The following SLC25A15 variants were observed in gnomAD, a reference collection of about 807,000 sequenced individuals.
The protein encoded by SLC25A15 is solute carrier family 25 member 15, also known as mitochondrial ornithine transporter 1.
SLC25A15 carries 24 observed loss-of-function variants against 32.3 expected under a neutral mutation model. The observed-to-expected ratio is 0.74, with a 90% CI of 0.54 to 1.04. The LOEUF is 1.04. SLC25A15 is among the 50% of genes least tolerant of loss of function. SLC25A15 has a pLI of 0.00. For synonymous variants in SLC25A15, 132 were observed against 142.1 expected (o/e 0.93, Z 0.51); for missense variants, 317 against 374.5 (o/e 0.85, Z 1.27).
intron 1 of SLC25A15, among the ~76,000 whole-genome samples, chr13:40,790,050 C>T (rs994922206): frequency 6.6e-6 from 1 of 152,162 alleles, no homozygotes; most frequent in Non-Finnish European, 1.5e-5. Context: ...AGTTGGAAGT[C>T]GTCTCCCTGA....
In SLC25A15 at chr13:40,807,217, A is replaced by C. The variant is rs1215818689; in HGVS notation, c.453-77A>C. The stretch of plus-strand genomic sequence containing the variant: ...TTACTAGTGCTTGATCAGATCTGTT[A>C]ATTGGTTGCAAATGCCCTTGTCTTT... On this transcript the variant is annotated intron_variant, in intron 4 of 6. Coordinates refer to ENST00000338625, the MANE Select transcript of SLC25A15 (RefSeq NM_014252.4). 3 of 1,320,620 alleles carry C rather than the reference A, an allele frequency of 2.3e-6. No individual in the cohort carries two copies. In the East Asian group the frequency reaches 6.9e-5, roughly 30 times the overall value. The allele number at this position is 1,320,620 out of a possible 1,614,324, so 81.8% of individuals were successfully genotyped here.
At chr13:40,802,821 C>A (rs1313309090) in intron 3 of SLC25A15, among the ~76,000 whole-genome samples, 1 of 152,122 alleles carries the variant, frequency 6.6e-6, no homozygotes, top group Admixed American at 6.5e-5. Flanking sequence ...ATCTGCCCAC[C>A]TCGGCCTCCC....
intron 3 of SLC25A15, among the ~76,000 whole-genome samples, chr13:40,801,493 G>T (rs1881889775): frequency 6.6e-6 from 1 of 152,130 alleles, no homozygotes; most frequent in Admixed American, 6.5e-5. Flanking sequence ...TGCCGATGTT[G>T]ACCTGCTCAA....
intron 2 of SLC25A15, chr13:40,798,711 G>A (rs1403545979): frequency 1.0e-6 from 1 of 961,048 alleles, no homozygotes; most frequent in Non-Finnish European, 1.2e-6. Context: ...GAGGAGCTGA[G>A]GCTCAGAAGT....
chr13:40,791,336 T>TA (rs1881492136), intron 1 of SLC25A15, among the ~76,000 whole-genome samples: 4 of 146,762 alleles, frequency 2.7e-5, no homozygotes, highest in Non-Finnish European at 4.5e-5. Flanking sequence ...TTTATTTATT[T>TA]TATTTTTTAT....
At position 40,799,221 on chromosome 13, in the gene SLC25A15, A is replaced by T; in HGVS notation, c.220A>T (p.Asn74Tyr). The T allele has an allele frequency of 6.2e-7, 1 of 1,614,218 alleles. No individual in the cohort carries two copies. The highest frequency in any genetic ancestry group is 8.5e-7 in the Non-Finnish European group (1 of 1,180,040). The change falls in exon 3 of 7, where the codon AAC becomes TAC. Residue 74 changes from asparagine to tyrosine, a missense_variant. Coordinates refer to ENST00000338625, the MANE Select transcript of SLC25A15 (RefSeq NM_014252.4). ...GGGTACCAGTCCAGCACTAATCGCC[A>T]ACATCGCTGAGAACTCAGTCCTCTT... ...YKGTSPALIA[N>Y]IAENSVLFMC...
chr13:40,806,668 T>C (rs1319751673), intron 4 of SLC25A15, among the ~76,000 whole-genome samples: 2 of 152,226 alleles, frequency 1.3e-5, no homozygotes, highest in Non-Finnish European at 2.9e-5. Flanking sequence ...CCAAGTCTCC[T>C]TCTTGCTGAG....
chr13:40,811,165 GAT>G lies in SLC25A15; in HGVS notation c.*1501_*1502del, dbSNP rs1342601869. 1.3e-5 allele frequency among the ~76,000 whole-genome samples: 2 copies of G among 152,230 alleles called. No homozygotes were observed. The highest frequency in any genetic ancestry group is 4.8e-5 in the African/African-American group (2 of 41,458). ...AAGTCTTAATGATGACTGTATATGTGATATGAGTTTATAAAGCAATGGAACAT... is the reference window on the plus strand; with the variant it reads ...AAGTCTTAATGATGACTGTATATGTGATGAGTTTATAAAGCAATGGAACAT... On this transcript the variant is annotated 3_prime_UTR_variant, in exon 7 of 7. Transcript: ENST00000338625.
intron 1 of SLC25A15, among the ~76,000 whole-genome samples, chr13:40,791,627 G>A (rs758651788): frequency 6.6e-6 from 1 of 152,014 alleles, no homozygotes; most frequent in South Asian, 2.1e-4. Context: ...AAAGTGCTGG[G>A]ATTACAGGCG....
In SLC25A15 at chr13:40,810,835, C is replaced by T. The variant is rs754736093; in HGVS notation, c.*1168C>T. On this transcript the variant is annotated 3_prime_UTR_variant, in exon 7 of 7. Transcript: ENST00000338625. The stretch of plus-strand genomic sequence containing the variant: ...TGATGAAGACCCATGTGGCTAGCAA[C>T]AGCGCTTACCTTTTGTCTCTGGGTC... 7 of 534,826 alleles carry T rather than the reference C, an allele frequency of 1.3e-5. 1 individual carries two copies. The highest frequency in any genetic ancestry group is 8.4e-5 in the South Asian group (6 of 71,594). 33.1% of individuals were successfully genotyped at this position (534,826 alleles called of 1,614,324 possible). A position where few individuals can be genotyped will look rare whatever the true frequency, so the allele number is the denominator to read the frequency against.
intron 6 of SLC25A15, among the ~76,000 whole-genome samples, chr13:40,809,027 G>T (rs542433035): frequency 9.3e-5 from 14 of 151,194 alleles, no homozygotes; most frequent in African/African-American, 1.9e-4. Context: ...GTCCCAAATA[G>T]AGGACAGATA....
chr13:40,809,429 T>C (rs1225226726), intron 6 of SLC25A15, 114 bp from the exon 7 acceptor site: 1 of 1,338,966 alleles, frequency 7.5e-7, no homozygotes, highest in Non-Finnish European at 1.1e-6. Flanking sequence ...GACTTGTTGG[T>C]TTTTAGCACT....
chr13:40,810,866 C>T lies in SLC25A15; in HGVS notation c.*1199C>T. 1 of 534,608 alleles carries T rather than the reference C, an allele frequency of 1.9e-6. No individual in the cohort carries two copies. Among genetic ancestry groups the T allele is most frequent in the South Asian group, 1.4e-5 (1 of 71,582 alleles). 33.1% of individuals were successfully genotyped at this position (534,608 alleles called of 1,614,324 possible). The stretch of plus-strand genomic sequence containing the variant: ...TTACCTTTTGTCTCTGGGTCCTGGC[C>T]TGGGGCCATCAATCCACTTTGGGCC... On this transcript the variant is annotated 3_prime_UTR_variant, in exon 7 of 7. Transcript: ENST00000338625.
chr13:40,790,820 C>G (rs1593287428), intron 1 of SLC25A15, among the ~76,000 whole-genome samples: 1 of 152,216 alleles, frequency 6.6e-6, no homozygotes, highest in East Asian at 1.9e-4. Flanking sequence ...CTCCCGACCT[C>G]AGGTGATCCG....
intron 2 of SLC25A15, among the ~76,000 whole-genome samples, chr13:40,798,341 TATATAA>T (rs1312080484): frequency 6.6e-6 from 1 of 152,082 alleles, no homozygotes; most frequent in Non-Finnish European, 1.5e-5. Flanking sequence ...CTTATAGAAG[TATATAA>T]ATAAAGGATT....
chr13:40,799,333 A>G lies in SLC25A15; in HGVS notation c.314+18A>G. On this transcript the variant is annotated intron_variant, in intron 3 of 6. Coordinates refer to ENST00000338625, the MANE Select transcript of SLC25A15 (RefSeq NM_014252.4). ...AAGCTGAGGTGAGTCAAGGACACACACTTTTTTTATTTGTTTAAAAAAACC... is the reference window on the plus strand; with the variant it reads ...AAGCTGAGGTGAGTCAAGGACACACGCTTTTTTTATTTGTTTAAAAAAACC... The G allele has an allele frequency of 6.2e-7, 1 of 1,613,964 alleles. No homozygotes were observed. The highest frequency in any genetic ancestry group is 1.1e-5 in the South Asian group (1 of 91,062).
At chr13:40,801,133 T>C (rs1881868093) in intron 3 of SLC25A15, among the ~76,000 whole-genome samples, 1 of 150,538 alleles carries the variant, frequency 6.6e-6, no homozygotes, top group Admixed American at 6.6e-5. Flanking sequence ...CCAGGGAGGC[T>C]GAGGTGGGAG....
chr13:40,790,025 G>A (rs1164456540), intron 1 of SLC25A15, among the ~76,000 whole-genome samples: 1 of 152,206 alleles, frequency 6.6e-6, no homozygotes, highest in African/African-American at 2.4e-5. Context: ...TGAACGTTTA[G>A]GGTCCGGCCA....
Position 40,809,718 on chromosome 13 carries a change from A to G in SLC25A15, c.*51A>G, listed in dbSNP as rs374447889. The G allele has an allele frequency of 5.6e-6, 9 of 1,603,134 alleles. No individual in the cohort carries two copies. The African/African-American group carries it at 1.2e-4, about 21-fold the overall frequency. On this transcript the variant is annotated 3_prime_UTR_variant, in exon 7 of 7. Coordinates refer to ENST00000338625, the MANE Select transcript of SLC25A15 (RefSeq NM_014252.4). ...CACAGGTGTTTGAGGACTACAGTTC[A>G]TCTCAGGGTTTCTTGGAGTACAAGA...
Sources: allele counts gnomAD v4.1 joint callset (sites outside exome capture counted in the v4.1 genomes callset), GRCh38; gene constraint gnomAD v4.1.1; transcripts MANE v1.5; gene names NCBI Gene and HGNC (gene_info 2026-07-23, HGNC 2026-07-21).